Variants in MDN1 observed in about 807,000 individuals in gnomAD.
MDN1 encodes the protein midasin.
A neutral mutation model predicts 669.2 loss-of-function variants in MDN1; 266 were observed. The ratio of observed to expected loss-of-function variants is 0.40; its 90% confidence interval spans 0.36 to 0.44. MDN1 has a LOEUF of 0.44. MDN1 is among the 20% of genes least tolerant of loss of function. The pLI is 1.00. For synonymous variants in MDN1, 2,385 were observed against 2,457.1 expected (o/e 0.97, Z 0.87); for missense variants, 5,940 against 6,754.0 (o/e 0.88, Z 4.22).
intron 14 of MDN1, 143 bp from the exon 15 acceptor site, chr6:89,771,764 A>G (rs1818091442): frequency 1.5e-6 from 1 of 684,660 alleles, no homozygotes; most frequent in South Asian, 1.9e-5. Context: ...GGTGGAGTGC[A>G]GTGGCCCAAT....
At chr6:89,818,744 G>A (rs535966225) in intron 1 of MDN1, among the ~76,000 whole-genome samples, 1 of 152,006 alleles carries the variant, frequency 6.6e-6, no homozygotes, top group East Asian at 1.9e-4. Flanking sequence ...GGGAGGCGGA[G>A]GGTGCAGTAA....
chr6:89,779,387 C>A (rs755983689), intron 11 of MDN1, among the ~76,000 whole-genome samples: 1 of 152,188 alleles, frequency 6.6e-6, no homozygotes. Context: ...TGTGCACATA[C>A]ATGCTCCCAT....
chr6:89,665,865 C>T (rs1377603816), intron 84 of MDN1, among the ~76,000 whole-genome samples: 1 of 152,098 alleles, frequency 6.6e-6, no homozygotes, highest in Non-Finnish European at 1.5e-5. Flanking sequence ...CATGGCAAAA[C>T]CCTGTCTCTA....
At position 89,658,984 on chromosome 6, in the gene MDN1, A is replaced by G. The variant is rs1160191085; in HGVS notation, c.14714-67T>C. The stretch of plus-strand genomic sequence containing the variant: ...AACGTACATGATTTCTTAAGCTGGG[A>G]GCTACTTATGCAAGTTTTGTCTTAT... On this transcript the variant is annotated intron_variant, in intron 88 of 101. Transcript: ENST00000369393. The G allele has an allele frequency of 4.4e-5, 64 of 1,440,222 alleles. 1 individual carries two copies. Among genetic ancestry groups the G allele is most frequent in the Non-Finnish European group, 5.7e-5 (61 of 1,066,952 alleles). 89.2% of individuals were successfully genotyped at this position (1,440,222 alleles called of 1,614,324 possible).
At chr6:89,801,998 G>A (rs1193454324) in intron 2 of MDN1, among the ~76,000 whole-genome samples, 5 of 151,984 alleles carry the variant, frequency 3.3e-5, no homozygotes, top group East Asian at 3.9e-4. Context: ...AACACATAAC[G>A]TGTAATTCTA....
At chr6:89,735,388 T>A (rs767863921) in intron 33 of MDN1, among the ~76,000 whole-genome samples, 31 of 148,884 alleles carry the variant, frequency 2.1e-4, no homozygotes, top group Non-Finnish European at 3.0e-4. Flanking sequence ...TTTTTTTTTT[T>A]AAAGAGATGG....
Position 89,701,691 on chromosome 6 carries a change from A to C in MDN1, c.8307-13T>G, listed in dbSNP as rs960684409. Reference sequence around the variant, plus strand: ...TTCTTTGTAATATCTTTAAAGGAGAACAAGGGCACAGGGGAAATAAGGAAA... The same window carrying C: ...TTCTTTGTAATATCTTTAAAGGAGACCAAGGGCACAGGGGAAATAAGGAAA... On this transcript the variant is annotated splice_polypyrimidine_tract_variant and intron_variant, in intron 54 of 101. Coordinates refer to ENST00000369393, the MANE Select transcript of MDN1 (RefSeq NM_014611.3). 2 of 1,610,656 alleles carry C rather than the reference A, an allele frequency of 1.2e-6. No individual in the cohort carries two copies. Among genetic ancestry groups the C allele is most frequent in the African/African-American group, 2.7e-5 (2 of 74,752 alleles).
chr6:89,678,507 T>C lies in MDN1; in HGVS notation c.12412+92A>G. 8.3e-6 allele frequency: 12 copies of C among 1,448,102 alleles called. No homozygotes were observed. In the Admixed American group the frequency reaches 9.5e-5, roughly 11 times the overall value. 89.7% of individuals were successfully genotyped at this position (1,448,102 alleles called of 1,614,324 possible). A position where few individuals can be genotyped will look rare whatever the true frequency, so the allele number is the denominator to read the frequency against. On this transcript the variant is annotated intron_variant, in intron 75 of 101. Transcript: ENST00000369393. Reference sequence around the variant, plus strand: ...ACCTTCTGTTGTCCACCATCTCAACTGTCTATGGAATTTCCCCCAAAATCA... The same window carrying C: ...ACCTTCTGTTGTCCACCATCTCAACCGTCTATGGAATTTCCCCCAAAATCA...
At chr6:89,805,722 A>C (rs1232364002) in intron 1 of MDN1, among the ~76,000 whole-genome samples, 1 of 152,224 alleles carries the variant, frequency 6.6e-6, no homozygotes, top group Admixed American at 6.5e-5. Flanking sequence ...GCATTCTCTC[A>C]TGAAAACATT....
At chr6:89,703,840 T>A (rs1052315333) in intron 53 of MDN1, among the ~76,000 whole-genome samples, 2 of 149,978 alleles carry the variant, frequency 1.3e-5, no homozygotes, top group Non-Finnish European at 3.0e-5. Context: ...GGTGAAACCC[T>A]ATCTCCACTA....
chr6:89,695,986 C>A lies in MDN1; in HGVS notation c.9390G>T (p.Thr3130=). Residue 3130 remains threonine (T), a synonymous_variant, in exon 61 of 102, where the codon ACG becomes ACT. Transcript: ENST00000369393. This position sits in a 1 kb window ranked among gnomAD's most constrained non-coding sequence, Gnocchi z 4.1. ...AISSVAEFRR[T]DSQLQGQVLF... ...GCACCTGCCCCTGGAGTTGGGAATC[C>A]GTGCGTCTGTGGGGACAAAAAGAAA... The A allele has an allele frequency of 6.2e-7, 1 of 1,605,312 alleles. No individual in the cohort carries two copies. The highest frequency in any genetic ancestry group is 8.5e-7 in the Non-Finnish European group (1 of 1,175,032).
At chr6:89,680,968 G>A (rs960336330) in intron 73 of MDN1, among the ~76,000 whole-genome samples, 26 of 152,108 alleles carry the variant, frequency 1.7e-4, no homozygotes, top group Non-Finnish European at 3.7e-4. Flanking sequence ...GGACCCCCAT[G>A]CCCCTACATC....
rs994500280 is a variant in MDN1, at chr6:89,688,704, C to G, written c.11128G>C (p.Asp3710His). ...TGCTGGTAGAAGTCATAGGGCCCAT[C>G]AGGTTTCACCATCAGGTCTGAGGGT... ...EAPSDLMVKP[D>H]GPYDFYQHPN... The change falls in exon 66 of 102, where the codon GAT (aspartate) becomes CAT (histidine). Residue 3710 changes from aspartate (D) to histidine (H), a missense_variant. Asp to His is a moderately conservative substitution (Grantham distance 81, BLOSUM62 -1). Around this residue, in one of 5 missense-constraint regions of MDN1, gnomAD observed 2,280 missense variants for 2,576.3 expected, o/e 0.88. Transcript: ENST00000369393. 1.2e-6 allele frequency: 2 copies of G among 1,614,166 alleles called. No homozygotes were observed. Among genetic ancestry groups the G allele is most frequent in the Non-Finnish European group, 8.5e-7 (1 of 1,180,030 alleles).
Position 89,730,727 on chromosome 6 carries a change from C to T in MDN1, c.5139G>A (p.Arg1713=), listed in dbSNP as rs752705763. ...TCATTTTTTAAAAATCATTCTTACC[C>T]CTTGGTATAAAAAATGGATGAATTC... ...LWGIHPFFIP[R]GPVLHRNNIA... Residue 1713 remains arginine (R), a splice_region_variant and synonymous_variant, in exon 35 of 102, where the codon AGG becomes AGA. Transcript: ENST00000369393. 6.2e-7 allele frequency: 1 copy of T among 1,610,674 alleles called. No homozygotes were observed. The highest frequency in any genetic ancestry group is 1.1e-5 in the South Asian group (1 of 90,390).
intron 76 of MDN1, among the ~76,000 whole-genome samples, chr6:89,676,712 C>G (rs987382586): frequency 2.6e-4 from 39 of 152,138 alleles, no homozygotes; most frequent in African/African-American, 9.2e-4. Flanking sequence ...AAAAAGAATG[C>G]TTATGTAAAA....
intron 2 of MDN1, among the ~76,000 whole-genome samples, chr6:89,799,445 G>A (rs1221305453): frequency 6.6e-6 from 1 of 152,278 alleles, no homozygotes; most frequent in Non-Finnish European, 1.5e-5. Context: ...AACACTGGGA[G>A]GCCGAGGCGG....
intron 34 of MDN1, 25 bp downstream of exon 34, chr6:89,732,531 TC>T (rs1815665331): frequency 6.2e-6 from 10 of 1,608,062 alleles, no homozygotes; most frequent in African/African-American, 1.3e-5. Flanking sequence ...GAGCCCCTTG[TC>T]CCCACCAGCT....
At chr6:89,702,226 T>G (rs1178291438) in intron 53 of MDN1, among the ~76,000 whole-genome samples, 165 bp from the exon 54 acceptor site, 3 of 152,308 alleles carry the variant, frequency 2.0e-5, no homozygotes, top group Middle Eastern at 6.8e-3. Context: ...ACCAAAAGTC[T>G]AAGACTGGAC....
In MDN1 at chr6:89,718,349, G is replaced by C; in HGVS notation, c.6583+17C>G. 2 of 1,609,054 alleles carry C rather than the reference G, an allele frequency of 1.2e-6. No homozygotes were observed. The highest frequency in any genetic ancestry group is 8.5e-7 in the Non-Finnish European group (1 of 1,177,418). ...AGCAATGGTAAGTTCCTGATACAGA[G>C]ATCCAAATATACATACCTGCCTTGC... On this transcript the variant is annotated intron_variant, in intron 43 of 101. Coordinates refer to ENST00000369393, the MANE Select transcript of MDN1 (RefSeq NM_014611.3).
Sources: gnomAD v4.1 joint callset for allele counts (sites outside exome capture counted in the v4.1 genomes callset) on GRCh38, gnomAD v4.1.1 for gene constraint, gnomAD v4.1.1 regional missense constraint, Gnocchi (gnomAD v3.1) non-coding constraint, MANE v1.5 for transcripts, NCBI Gene and HGNC (gene_info 2026-07-23, HGNC 2026-07-21) for gene names.